Variants in SEMA3E observed in about 807,000 individuals in gnomAD.
SEMA3E encodes semaphorin 3E, also known as semaphorin-3E.
Under a neutral mutation model 93.6 loss-of-function variants are expected in SEMA3E, and 49 were observed. The observed-to-expected ratio is 0.52, with a 90% CI of 0.42 to 0.66. The LOEUF is 0.66. SEMA3E is among the 30% of genes least tolerant of loss of function. The pLI is 0.00. For missense variants in SEMA3E, 906 were observed against 964.8 expected, an observed-to-expected ratio of 0.94 and a Z score of 0.81; for synonymous variants, 363 against 330.7, an observed-to-expected ratio of 1.10 and a Z score of -1.06.
chr7:83,441,933 T>C (rs1464874344), intron 4 of SEMA3E, among the ~76,000 whole-genome samples: 1 of 152,220 alleles, frequency 6.6e-6, no homozygotes, highest in Non-Finnish European at 1.5e-5. Flanking sequence ...GTTCAATCAG[T>C]ACTTTCAACT....
intron 16 of SEMA3E, among the ~76,000 whole-genome samples, chr7:83,384,824 A>T (rs762390691): frequency 5.2e-4 from 79 of 151,596 alleles, no homozygotes; most frequent in Non-Finnish European, 8.8e-4. Flanking sequence ...TAATTGAAAA[A>T]TTTTCTTCTA....
Position 83,383,863 on chromosome 7 carries a change from G to A in SEMA3E, c.1875+1431C>T, listed in dbSNP as rs567335524. ...GTCTTCTGAAGCCATTCAGCTTGGAGGAACTATGGAAGATTATCAGGTCCT... is the reference window on the plus strand; with the variant it reads ...GTCTTCTGAAGCCATTCAGCTTGGAAGAACTATGGAAGATTATCAGGTCCT... On this transcript the variant is annotated intron_variant, in intron 16 of 16. Transcript: ENST00000643230. Among the ~76,000 whole-genome samples the A allele has an allele frequency of 8.6e-5, 13 of 152,036 alleles. No homozygotes were observed. In the South Asian group the frequency reaches 2.7e-3, roughly 32 times the overall value.
At chr7:83,564,949 C>T (rs1792111140) in intron 1 of SEMA3E, among the ~76,000 whole-genome samples, 1 of 151,696 alleles carries the variant, frequency 6.6e-6, no homozygotes, top group African/African-American at 2.4e-5. Context: ...AGACCACTAG[C>T]CAGACTAATA....
chr7:83,396,603 G>T (rs1286924431), intron 12 of SEMA3E, 35 bp downstream of exon 12: 3 of 1,246,024 alleles, frequency 2.4e-6, no homozygotes. Flanking sequence ...TAGTTGTAAT[G>T]CATAAATTTG....
At chr7:83,645,780 C>G (rs1247497980) in intron 1 of SEMA3E, among the ~76,000 whole-genome samples, 1 of 151,314 alleles carries the variant, frequency 6.6e-6, no homozygotes, top group Non-Finnish European at 1.5e-5. Flanking sequence ...CCTAATGATC[C>G]CTTCCTTTCC....
chr7:83,466,429 C>A, intron 4 of SEMA3E, 53 bp downstream of exon 4: 1 of 1,600,764 alleles, frequency 6.2e-7, no homozygotes, highest in South Asian at 1.1e-5. Flanking sequence ...TCTTTGAGAA[C>A]AAGGTTGTTT....
chr7:83,616,081 C>G (rs1793362267), intron 1 of SEMA3E, among the ~76,000 whole-genome samples: 1 of 151,908 alleles, frequency 6.6e-6, no homozygotes, highest in Non-Finnish European at 1.5e-5. Flanking sequence ...CCGTTGGGGT[C>G]CCTTTCAAAT....
At chr7:83,618,678 C>T (rs1392959055) in intron 1 of SEMA3E, among the ~76,000 whole-genome samples, 1 of 151,802 alleles carries the variant, frequency 6.6e-6, no homozygotes, top group Non-Finnish European at 1.5e-5. Context: ...AATAGCTTTA[C>T]AGGCATTCTA....
At chr7:83,557,658 A>G (rs1236033688) in intron 1 of SEMA3E, among the ~76,000 whole-genome samples, 1 of 152,132 alleles carries the variant, frequency 6.6e-6, no homozygotes, top group Non-Finnish European at 1.5e-5. Context: ...ACTCTATATT[A>G]TGTCAGTAAA....
chr7:83,579,073 G>C (rs1253494947), intron 1 of SEMA3E, among the ~76,000 whole-genome samples: 1 of 152,110 alleles, frequency 6.6e-6, no homozygotes, highest in Non-Finnish European at 1.5e-5. Context: ...TTTCAAAAGA[G>C]AGAACATGTT....
chr7:83,397,372 C>T lies in SEMA3E; in HGVS notation c.1367-643G>A, dbSNP rs145367006. ...TAGCTACTTTTTCTGTGATGCATGA[C>T]GCAAGAAAATTTTTTTACCAAAAGC... On this transcript the variant is annotated intron_variant, in intron 11 of 16. Transcript: ENST00000643230. Among the ~76,000 whole-genome samples, 131 of 152,066 alleles carry T rather than the reference C, an allele frequency of 8.6e-4. 1 individual carries two copies. The highest frequency in any genetic ancestry group is 2.8e-3 in the African/African-American group (116 of 41,500).
chr7:83,459,479 G>C (rs1584262261), intron 4 of SEMA3E, among the ~76,000 whole-genome samples: 2 of 152,126 alleles, frequency 1.3e-5, no homozygotes, highest in Admixed American at 6.5e-5. Flanking sequence ...ATATACATAG[G>C]TATACTTTGT....
At chr7:83,631,265 G>A (rs534586254) in intron 1 of SEMA3E, among the ~76,000 whole-genome samples, 1 of 152,168 alleles carries the variant, frequency 6.6e-6, no homozygotes, top group East Asian at 1.9e-4. Context: ...TTTACTATAA[G>A]TCTGTAAATA....
intron 16 of SEMA3E, among the ~76,000 whole-genome samples, chr7:83,382,957 C>T (rs571125223): frequency 2.0e-4 from 31 of 151,882 alleles, no homozygotes; most frequent in African/African-American, 6.8e-4. Flanking sequence ...AAACTTTATC[C>T]ACATGAATAT....
intron 1 of SEMA3E, among the ~76,000 whole-genome samples, chr7:83,557,088 T>G (rs753336403): frequency 8.5e-5 from 13 of 152,126 alleles, no homozygotes; most frequent in Admixed American, 7.2e-4. Flanking sequence ...AATTAAGACA[T>G]TTACAGAGTT....
chr7:83,368,065 C>T, intron 16 of SEMA3E, 27 bp from the exon 17 acceptor site: 1 of 1,590,778 alleles, frequency 6.3e-7, no homozygotes, highest in East Asian at 2.2e-5. Flanking sequence ...GTAAATGGCA[C>T]TGAAGTACAC....
intron 1 of SEMA3E, among the ~76,000 whole-genome samples, chr7:83,647,955 T>G (rs1189634220): frequency 6.6e-6 from 1 of 152,168 alleles, no homozygotes; most frequent in Non-Finnish European, 1.5e-5. Context: ...TATTTTCTCC[T>G]CTTACCTCCA....
chr7:83,404,922 T>C (rs3757606), intron 9 of SEMA3E, among the ~76,000 whole-genome samples: 54,623 of 151,618 alleles, frequency 0.36, 10,098 homozygotes, highest in Middle Eastern at 0.49. Flanking sequence ...AATAAAAATA[T>C]AGTAATGGGA....
intron 1 of SEMA3E, among the ~76,000 whole-genome samples, chr7:83,575,089 G>T (rs1792371357): frequency 6.6e-6 from 1 of 151,822 alleles, no homozygotes; most frequent in Non-Finnish European, 1.5e-5. Flanking sequence ...CTTCAGAATT[G>T]GTGACTATTT....
Sources: allele counts gnomAD v4.1 joint callset (sites outside exome capture counted in the v4.1 genomes callset), GRCh38; gene constraint gnomAD v4.1.1; transcripts MANE v1.5; gene names NCBI Gene and HGNC (gene_info 2026-07-23, HGNC 2026-07-21).